Variants in DCAF8L2 observed in about 807,000 individuals in gnomAD.
DCAF8L2 encodes DDB1- and CUL4-associated factor 8-like protein 2.
For synonymous variants in DCAF8L2, 200 were observed against 190.9 expected (o/e 1.05, Z -0.39); for missense variants, 430 against 490.7 (o/e 0.88, Z 1.17).
At chrX:27,608,138 A>G (rs1926993541) in intron 1 of DCAF8L2, among the ~76,000 whole-genome samples, 1 of 111,589 alleles carries the variant, frequency 9.0e-6, no homozygotes, top group Non-Finnish European at 1.9e-5. Flanking sequence ...ATAAAGTTAT[A>G]TTTCTCTTGT....
At chrX:27,530,692 G>A in the DCAF8L2 span, among the ~76,000 whole-genome samples, 1 of 111,935 alleles carries the variant, frequency 8.9e-6, no homozygotes, top group Non-Finnish European at 1.9e-5. Context: ...GTAGTCACCT[G>A]AGCAGTTCAA....
intron 1 of DCAF8L2, among the ~76,000 whole-genome samples, chrX:27,605,634 G>A (rs1926833025): frequency 9.0e-6 from 1 of 111,503 alleles, no homozygotes; most frequent in Non-Finnish European, 1.9e-5. Flanking sequence ...ACTGCATTAA[G>A]ATGTTTGCCA....
chrX:27,481,384 A>G, the DCAF8L2 span, among the ~76,000 whole-genome samples: 169 of 110,851 alleles, frequency 1.5e-3, no homozygotes, highest in Non-Finnish European at 2.8e-3. Flanking sequence ...TCTCAAAAAA[A>G]TTAATTAATT....
the DCAF8L2 span, among the ~76,000 whole-genome samples, chrX:27,511,485 A>G: frequency 8.9e-6 from 1 of 112,064 alleles, no homozygotes; most frequent in South Asian, 3.7e-4. Context: ...TAAATTGAAT[A>G]AAATAGAAAA....
chrX:27,617,418 A>C (rs1927531048), intron 1 of DCAF8L2, among the ~76,000 whole-genome samples: 1 of 110,055 alleles, frequency 9.1e-6, no homozygotes, highest in Non-Finnish European at 1.9e-5. Context: ...AATCTATACC[A>C]CTTGGTGTTC....
chrX:27,632,918 A>C (rs1316153249), intron 2 of DCAF8L2: 2 of 111,925 alleles, frequency 1.8e-5, no homozygotes, highest in Non-Finnish European at 3.8e-5. Flanking sequence ...AATTTTGCCT[A>C]GTTTTTTCAC....
chrX:27,507,198 G>A, the DCAF8L2 span, among the ~76,000 whole-genome samples: 25 of 111,391 alleles, frequency 2.2e-4, no homozygotes, highest in Middle Eastern at 4.2e-3. Flanking sequence ...AATATAATTC[G>A]CTAAAATAAC....
At chrX:27,629,426 TTCTC>T (rs1316727065) in intron 1 of DCAF8L2, among the ~76,000 whole-genome samples, 1 of 111,035 alleles carries the variant, frequency 9.0e-6, no homozygotes, top group African/African-American at 3.3e-5. Context: ...CTCTTTTTCT[TTCTC>T]TCTCTCTTTC....
chrX:27,717,634 T>G (rs1931747560), intron 4 of DCAF8L2, among the ~76,000 whole-genome samples: 1 of 112,454 alleles, frequency 8.9e-6, no homozygotes, highest in African/African-American at 3.2e-5. Flanking sequence ...TATTAGACCT[T>G]TGTCAGGTGG....
chrX:27,537,127 T>C, the DCAF8L2 span, among the ~76,000 whole-genome samples: 1 of 111,931 alleles, frequency 8.9e-6, no homozygotes, highest in Non-Finnish European at 1.9e-5. Flanking sequence ...TTACTGAACA[T>C]ATAAAAAATG....
At chrX:27,640,847 G>T (rs1489626515) in intron 2 of DCAF8L2, among the ~76,000 whole-genome samples, 1 of 111,191 alleles carries the variant, frequency 9.0e-6, no homozygotes, top group Non-Finnish European at 1.9e-5. Flanking sequence ...ATTTTAATTT[G>T]AATTTCTCTA....
chrX:27,613,426 A>G (rs1295517777), intron 1 of DCAF8L2, among the ~76,000 whole-genome samples: 3 of 111,237 alleles, frequency 2.7e-5, no homozygotes, highest in Non-Finnish European at 3.8e-5. Flanking sequence ...CTCTTTTCCT[A>G]ATTGAATACC....
the DCAF8L2 span, among the ~76,000 whole-genome samples, chrX:27,532,594 CAG>C: frequency 2.7e-5 from 3 of 110,633 alleles, no homozygotes; most frequent in Non-Finnish European, 5.7e-5. Flanking sequence ...GAATTATAAA[CAG>C]ATACCAAAAT....
chrX:27,739,646 A>G (rs1921739492), intron 4 of DCAF8L2, among the ~76,000 whole-genome samples: 1 of 111,720 alleles, frequency 9.0e-6, no homozygotes, highest in Non-Finnish European at 1.9e-5. Flanking sequence ...TGTGTATCCA[A>G]TTGCCAACTC....
the DCAF8L2 span, among the ~76,000 whole-genome samples, chrX:27,581,827 G>A: frequency 6.3e-5 from 7 of 111,742 alleles, no homozygotes; most frequent in East Asian, 2.0e-3. Flanking sequence ...CAAGTGATCC[G>A]CCCACCTCGG....
the DCAF8L2 span, among the ~76,000 whole-genome samples, chrX:27,536,598 C>G: frequency 1.8e-5 from 2 of 109,866 alleles, no homozygotes; most frequent in Non-Finnish European, 3.8e-5. Context: ...CGTGTGGACA[C>G]ATTGAAGGGT....
At chrX:27,733,327 C>T (rs903753688) in intron 4 of DCAF8L2, among the ~76,000 whole-genome samples, 1 of 111,681 alleles carries the variant, frequency 9.0e-6, no homozygotes, top group Admixed American at 9.5e-5. Context: ...TATTTAGTTA[C>T]GTCTGGAAAA....
At chrX:27,587,985 A>AATAT (rs202098791), upstream of DCAF8L2, among the ~76,000 whole-genome samples, 62 of 22,347 alleles carry the variant, frequency 2.8e-3, no homozygotes, top group Admixed American at 8.8e-3. Flanking sequence ...TAAAAAAAAA[A>AATAT]ATATATATAT....
chrX:27,728,374 C>T (rs998650135), intron 4 of DCAF8L2, among the ~76,000 whole-genome samples: 1 of 110,859 alleles, frequency 9.0e-6, no homozygotes, highest in Non-Finnish European at 1.9e-5. Context: ...TTGGAATCTC[C>T]TTTGGACCTC....
Sources: gnomAD v4.1 joint callset for allele counts (sites outside exome capture counted in the v4.1 genomes callset) on GRCh38, gnomAD v4.1.1 for gene constraint, MANE v1.5 for transcripts, NCBI Gene and HGNC (gene_info 2026-07-23, HGNC 2026-07-21) for gene names.